CMSS1: variants seen among roughly 807,000 people sequenced by gnomAD.
The protein encoded by CMSS1 is cms1 ribosomal small subunit homolog, also known as protein CMSS1.
A neutral mutation model predicts 43.5 loss-of-function variants in CMSS1; 33 were observed. The observed-to-expected ratio is 0.76, with a 90% CI of 0.57 to 1.01. CMSS1 has a LOEUF of 1.01. CMSS1 is among the 50% of genes least tolerant of loss of function. CMSS1 has a pLI of 0.00. For synonymous variants in CMSS1, 115 were observed against 117.2 expected (o/e 0.98, Z 0.12); for missense variants, 313 against 326.4 (o/e 0.96, Z 0.32).
In CMSS1 at chr3:100,181,332, A is replaced by G. The variant is rs1004512403; in HGVS notation, c.*2944A>G. 3 of 152,222 alleles carry G rather than the reference A, an allele frequency of 2.0e-5. No individual in the cohort carries two copies. The highest frequency in any genetic ancestry group is 7.2e-5 in the African/African-American group (3 of 41,450). The allele number at this position is 152,222 out of a possible 1,614,324, so 9.4% of individuals were successfully genotyped here. On this transcript the variant is annotated 3_prime_UTR_variant, in exon 10 of 10. Transcript: ENST00000421999. ...TTTCTATTTTGAAACTTCAGGCTTA[A>G]TAGAAAAGTTTAAAAAATAGAGAAT... is the stretch of plus-strand genomic sequence containing the variant.
chr3:99,877,102 C>T (rs1445475677), intron 1 of CMSS1, among the ~76,000 whole-genome samples: 2 of 152,158 alleles, frequency 1.3e-5, no homozygotes, highest in Admixed American at 6.5e-5. Flanking sequence ...AATGAGAATT[C>T]ACCTCCGAAT....
At chr3:99,999,567 G>A (rs1387726129) in intron 1 of CMSS1, among the ~76,000 whole-genome samples, 1 of 152,302 alleles carries the variant, frequency 6.6e-6, no homozygotes, top group Non-Finnish European at 1.5e-5. Flanking sequence ...CTTGCCTTGG[G>A]AACTTCTCCT....
intron 1 of CMSS1, among the ~76,000 whole-genome samples, chr3:99,938,081 G>GCA (rs1559696173): frequency 6.6e-5 from 10 of 152,002 alleles, no homozygotes; most frequent in African/African-American, 2.4e-4. Context: ...GTGTGCGCGC[G>GCA]CGCGCGCGCG....
chr3:99,999,366 A>G (rs1709776799), intron 1 of CMSS1, among the ~76,000 whole-genome samples: 1 of 152,230 alleles, frequency 6.6e-6, no homozygotes, highest in East Asian at 1.9e-4. Context: ...CATCAGAGTC[A>G]TAAGTATAGA....
chr3:100,000,093 T>C (rs544183788), intron 1 of CMSS1, among the ~76,000 whole-genome samples: 1 of 152,322 alleles, frequency 6.6e-6, no homozygotes, highest in South Asian at 2.1e-4. Flanking sequence ...GATTCTAATA[T>C]ATAATCAGGA....
chr3:100,145,079 G>C (rs2066837085), intron 1 of CMSS1, among the ~76,000 whole-genome samples: 1 of 152,122 alleles, frequency 6.6e-6, no homozygotes, highest in Non-Finnish European at 1.5e-5. Flanking sequence ...TGAAGGCCCT[G>C]TTAATCTGCC....
At chr3:99,927,270 A>C (rs1003727006) in intron 1 of CMSS1, among the ~76,000 whole-genome samples, 6 of 152,240 alleles carry the variant, frequency 3.9e-5, no homozygotes, top group African/African-American at 1.4e-4. Context: ...ACCATTGCTT[A>C]AGGTAAGTAT....
intron 1 of CMSS1, among the ~76,000 whole-genome samples, chr3:99,871,107 C>T: frequency 6.6e-6 from 1 of 152,180 alleles, no homozygotes; most frequent in South Asian, 2.1e-4. Flanking sequence ...CACTGCCATA[C>T]AAAGCAGATT....
intron 1 of CMSS1, among the ~76,000 whole-genome samples, chr3:100,042,791 C>T (rs186710787): frequency 2.6e-5 from 4 of 152,200 alleles, no homozygotes; most frequent in South Asian, 2.1e-4. Flanking sequence ...GAGAAATACA[C>T]GTTTTAAAGT....
At chr3:99,895,170 A>G (rs1477282871) in intron 1 of CMSS1, among the ~76,000 whole-genome samples, 2 of 152,136 alleles carry the variant, frequency 1.3e-5, no homozygotes, top group Admixed American at 6.6e-5. Context: ...GCTTATATAT[A>G]TATAGTGGCC....
Position 100,036,042 on chromosome 3 carries a change from T to C in CMSS1, c.65-110931T>C, listed in dbSNP as rs143709193. ...GTGTAATTATAAGTCCATTGTAACA[T>C]AGAACCCAAAACTAAAAACCCCTGT... On this transcript the variant is annotated intron_variant, in intron 1 of 9. Transcript: ENST00000421999. Among the ~76,000 whole-genome samples, 37 of 152,326 alleles carry C rather than the reference T, an allele frequency of 2.4e-4. No individual in the cohort carries two copies. The East Asian group carries it at 6.6e-3, about 27-fold the overall frequency.
intron 4 of CMSS1, 29 bp from the exon 5 acceptor site, chr3:100,166,306 T>C (rs1361471009): frequency 2.0e-6 from 3 of 1,472,980 alleles, no homozygotes; most frequent in African/African-American, 2.8e-5. Flanking sequence ...TACAAAATTA[T>C]CTACAAAGCA....
At chr3:99,881,336 T>C (rs910678164) in intron 1 of CMSS1, among the ~76,000 whole-genome samples, 1 of 152,190 alleles carries the variant, frequency 6.6e-6, no homozygotes, top group African/African-American at 2.4e-5. Context: ...TGGTAACTAA[T>C]AATAGTTTTG....
chr3:100,139,577 A>G lies in CMSS1; in HGVS notation c.65-7396A>G, dbSNP rs9713075. ...TGTGTGTGTGTGTGTATGTATATAT[A>G]TGTGTATATATATGTGTGTGTATAT... On this transcript the variant is annotated intron_variant, in intron 1 of 9. Coordinates refer to ENST00000421999, the MANE Select transcript of CMSS1 (RefSeq NM_032359.4). Among the ~76,000 whole-genome samples the G allele has an allele frequency of 2.4e-4, 35 of 143,494 alleles. No homozygotes were observed. The East Asian group carries it at 6.1e-3, about 25-fold the overall frequency. The allele number at this position is 143,494 out of a possible 152,430, so 94.1% of individuals were successfully genotyped here.
At chr3:99,984,397 G>C (rs1164283129) in intron 1 of CMSS1, among the ~76,000 whole-genome samples, 2 of 152,180 alleles carry the variant, frequency 1.3e-5, no homozygotes, top group Non-Finnish European at 2.9e-5. Context: ...TGACAGAGCA[G>C]AAACAGGAGG....
intron 1 of CMSS1, among the ~76,000 whole-genome samples, chr3:99,968,875 G>A (rs1222071695): frequency 6.6e-6 from 1 of 152,072 alleles, no homozygotes; most frequent in Non-Finnish European, 1.5e-5. Context: ...AAGTTGAGAA[G>A]GGTTAGCACA....
intron 1 of CMSS1, among the ~76,000 whole-genome samples, chr3:100,121,541 CAATA>C (rs1236230375): frequency 1.3e-5 from 2 of 152,078 alleles, no homozygotes; most frequent in East Asian, 3.9e-4. Context: ...AATAGTGACA[CAATA>C]AACATACGTG....
intron 1 of CMSS1, among the ~76,000 whole-genome samples, chr3:99,933,290 G>C (rs1388390267): frequency 6.6e-6 from 1 of 152,160 alleles, no homozygotes; most frequent in Non-Finnish European, 1.5e-5. Context: ...CGGTATAGAT[G>C]AACAATGATG....
intron 1 of CMSS1, among the ~76,000 whole-genome samples, chr3:100,097,905 C>T (rs565903906): frequency 6.6e-6 from 1 of 152,298 alleles, no homozygotes; most frequent in Admixed American, 6.5e-5. Flanking sequence ...TATTTTTACT[C>T]AGTAGAAACT....
Sources: allele counts gnomAD v4.1 joint callset (sites outside exome capture counted in the v4.1 genomes callset), GRCh38; gene constraint gnomAD v4.1.1; transcripts MANE v1.5; gene names NCBI Gene and HGNC (gene_info 2026-07-23, HGNC 2026-07-21).